PHC1: variants seen among roughly 807,000 people sequenced by gnomAD.
PHC1 encodes polyhomeotic-like protein 1.
In PHC1, 12 loss-of-function variants were observed where a neutral mutation model predicts 104.3. The observed-to-expected ratio is 0.12, with a 90% CI of 0.07 to 0.19. The LOEUF is 0.19. Ranked by LOEUF, PHC1 falls within the 10% of genes least tolerant of loss-of-function variation. The pLI is 1.00. For synonymous variants in PHC1, 302 were observed against 455.8 expected (o/e 0.66, Z 4.30); for missense variants, 671 against 1,200.0 (o/e 0.56, Z 6.51).
intron 11 of PHC1, 125 bp downstream of exon 11, chr12:8,935,363 T>C (rs763334118): frequency 2.3e-4 from 135 of 579,992 alleles, no homozygotes; most frequent in Non-Finnish European, 3.2e-4. Context: ...CAGTGGCTCA[T>C]GCCTGTAATC....
At chr12:8,930,237 A>G (rs1204216391) in intron 6 of PHC1, among the ~76,000 whole-genome samples, 198 bp from the exon 7 acceptor site, 1 of 152,230 alleles carries the variant, frequency 6.6e-6, no homozygotes, top group African/African-American at 2.4e-5. Context: ...TAGTGAGTGA[A>G]GATGGCTGAA....
intron 11 of PHC1, among the ~76,000 whole-genome samples, chr12:8,936,152 C>T (rs1038822951): frequency 4.3e-4 from 66 of 152,170 alleles, no homozygotes; most frequent in African/African-American, 1.4e-3. Context: ...AGGCCAAGGC[C>T]GGTGGATTTC....
Position 8,919,694 on chromosome 12 carries a change from A to C in PHC1, c.115-62A>C. 1.3e-6 allele frequency: 2 copies of C among 1,503,180 alleles called. No homozygotes were observed. The highest frequency in any genetic ancestry group is 1.8e-6 in the Non-Finnish European group (2 of 1,098,226). 93.1% of individuals were successfully genotyped at this position (1,503,180 alleles called of 1,614,324 possible). A position where few individuals can be genotyped will look rare whatever the true frequency, so the allele number is the denominator to read the frequency against. Reference sequence around the variant, plus strand: ...GGCCCCCTTTCACACAAATACAGTGATTTACATAGAATAGGAGCTAGGAGT... The same window carrying C: ...GGCCCCCTTTCACACAAATACAGTGCTTTACATAGAATAGGAGCTAGGAGT... On this transcript the variant is annotated intron_variant, in intron 2 of 14. Coordinates refer to ENST00000544916, the MANE Select transcript of PHC1 (RefSeq NM_004426.3). This position sits in a 1 kb window ranked among gnomAD's most constrained non-coding sequence, Gnocchi z 4.9.
At chr12:8,938,520 G>T (rs7302417) in intron 14 of PHC1, among the ~76,000 whole-genome samples, 58,747 of 150,450 alleles carry the variant, frequency 0.39, 12,088 homozygotes, top group Middle Eastern at 0.48. Flanking sequence ...GGGCTCAAGA[G>T]ATCCTTCTGC....
intron 1 of PHC1, 121 bp from the exon 2 acceptor site, chr12:8,917,509 G>T (rs1945236002): frequency 6.5e-6 from 3 of 458,548 alleles, no homozygotes; most frequent in Admixed American, 8.9e-5. Flanking sequence ...AGAAATCATG[G>T]CTTATGGAAG....
In PHC1 at chr12:8,940,281, C is replaced by T. The variant is rs1455470263; in HGVS notation, c.*822C>T. ...CAAAAATATTAAATATTTTTTTCCT[C>T]AGTAAAAGGATGAAAATTGGTTTCA... On this transcript the variant is annotated 3_prime_UTR_variant, in exon 15 of 15. Transcript: ENST00000544916. 1 of 162,158 alleles carries T rather than the reference C, an allele frequency of 6.2e-6. No individual in the cohort carries two copies. The highest frequency in any genetic ancestry group is 1.4e-5 in the Non-Finnish European group (1 of 73,190). The allele number at this position is 162,158 out of a possible 1,614,324, so 10.0% of individuals were successfully genotyped here.
At chr12:8,922,539 C>A in intron 5 of PHC1, 94 bp from the exon 6 acceptor site, 2 of 1,103,258 alleles carry the variant, frequency 1.8e-6, no homozygotes, top group Non-Finnish European at 2.6e-6. Flanking sequence ...TTAATATCTT[C>A]TGTTTATTTT....
Position 8,920,741 on chromosome 12 carries a change from A to G in PHC1, c.226-244A>G, listed in dbSNP as rs115390400. 4.9e-3 allele frequency among the ~76,000 whole-genome samples: 740 copies of G among 152,230 alleles called. 6 individuals carry two copies. Among genetic ancestry groups the G allele is most frequent in the African/African-American group, 0.017 (712 of 41,546 alleles). On this transcript the variant is annotated intron_variant, in intron 3 of 14. Coordinates refer to ENST00000544916, the MANE Select transcript of PHC1 (RefSeq NM_004426.3). Reference sequence around the variant, plus strand: ...TACCATCTTTTTCCACCTAAAAGAGAGTGGGAGCTGGAGGACAAGTTGCCT... The same window carrying G: ...TACCATCTTTTTCCACCTAAAAGAGGGTGGGAGCTGGAGGACAAGTTGCCT...
chr12:8,937,071 G>A lies in PHC1; in HGVS notation c.2478-105G>A. 4 of 1,435,582 alleles carry A rather than the reference G, an allele frequency of 2.8e-6. No homozygotes were observed. In the South Asian group the frequency reaches 4.7e-5, roughly 17 times the overall value. 88.9% of individuals were successfully genotyped at this position (1,435,582 alleles called of 1,614,324 possible). A position where few individuals can be genotyped will look rare whatever the true frequency, so the allele number is the denominator to read the frequency against. On this transcript the variant is annotated intron_variant, in intron 12 of 14. Transcript: ENST00000544916. ...GCTGATATTTTATGTCTCCCTCCTT[G>A]CTTTTATTCCCTTCCCCAAATCAGC...
intron 6 of PHC1, among the ~76,000 whole-genome samples, chr12:8,929,548 G>A (rs747266795): frequency 6.9e-6 from 1 of 145,834 alleles, no homozygotes; most frequent in African/African-American, 2.5e-5. Flanking sequence ...TTTTTTTCTG[G>A]ACAGGGTCTC....
chr12:8,934,834 C>T (rs946638627), intron 10 of PHC1, among the ~76,000 whole-genome samples: 4 of 152,056 alleles, frequency 2.6e-5, no homozygotes, highest in Admixed American at 2.6e-4. Flanking sequence ...GCATTCTCAG[C>T]ACCATAGGAA....
At chr12:8,935,265 G>C (rs1296170058) in intron 11 of PHC1, 27 bp downstream of exon 11, 4 of 1,226,610 alleles carry the variant, frequency 3.3e-6, no homozygotes, top group South Asian at 1.3e-5. Context: ...AGACTCATTT[G>C]GGGGAAGGAG....
At chr12:8,932,319 A>C (rs771614801) in intron 7 of PHC1, among the ~76,000 whole-genome samples, 8 of 152,202 alleles carry the variant, frequency 5.3e-5, no homozygotes, top group Non-Finnish European at 1.0e-4. Flanking sequence ...TCAGGATCTG[A>C]AATGACTGAG....
intron 14 of PHC1, among the ~76,000 whole-genome samples, chr12:8,938,853 C>T (rs992811027): frequency 7.9e-5 from 12 of 151,474 alleles, no homozygotes; most frequent in African/African-American, 2.9e-4. Context: ...GAGACAGAGT[C>T]TTACTCTGTT....
intron 14 of PHC1, among the ~76,000 whole-genome samples, chr12:8,939,086 A>G (rs1472060781): frequency 6.6e-6 from 1 of 152,242 alleles, no homozygotes; most frequent in Non-Finnish European, 1.5e-5. Context: ...CTGGTCTCCT[A>G]AAATGCTGGG....
In PHC1 at chr12:8,939,809, G is replaced by A; in HGVS notation, c.*350G>A. ...CCAGGTCTTAATTCTCCAAGAGGAG[G>A]AATACATAGTATGGTAAGGCAAGGA... On this transcript the variant is annotated 3_prime_UTR_variant, in exon 15 of 15. Coordinates refer to ENST00000544916, the MANE Select transcript of PHC1 (RefSeq NM_004426.3). 2 of 470,824 alleles carry A rather than the reference G, an allele frequency of 4.2e-6. No homozygotes were observed. Among genetic ancestry groups the A allele is most frequent in the Non-Finnish European group, 8.5e-6 (2 of 236,048 alleles). The allele number at this position is 470,824 out of a possible 1,614,324, so 29.2% of individuals were successfully genotyped here. A position where few individuals can be genotyped will look rare whatever the true frequency, so the allele number is the denominator to read the frequency against.
At chr12:8,934,881 G>C (rs892674940) in intron 10 of PHC1, among the ~76,000 whole-genome samples, 1 of 151,790 alleles carries the variant, frequency 6.6e-6, no homozygotes, top group Non-Finnish European at 1.5e-5. Flanking sequence ...GTAGGAACCT[G>C]TTCTCCAATG....
At chr12:8,914,427 G>T (rs1411092538), upstream of PHC1, 1 of 150,694 alleles carries the variant, frequency 6.6e-6, no homozygotes, top group Non-Finnish European at 1.5e-5. Context: ...GGGAGGGGGC[G>T]GAGGGCGCCG....
intron 2 of PHC1, 107 bp downstream of exon 2, chr12:8,917,898 T>A (rs1270106478): frequency 4.6e-6 from 3 of 646,576 alleles, no homozygotes; most frequent in Non-Finnish European, 8.0e-6. Flanking sequence ...CTGGGGAGAG[T>A]TGGGTTAGAT....
Sources: allele counts gnomAD v4.1 joint callset (sites outside exome capture counted in the v4.1 genomes callset), GRCh38; gene constraint gnomAD v4.1.1; non-coding constraint Gnocchi (gnomAD v3.1); transcripts MANE v1.5; gene names NCBI Gene and HGNC (gene_info 2026-07-23, HGNC 2026-07-21).